The following COL21A1 variants were observed in gnomAD, a reference collection of about 807,000 sequenced individuals.
COL21A1 encodes the protein collagen type XXI alpha 1 chain.
Under a neutral mutation model 137.9 loss-of-function variants are expected in COL21A1, and 149 were observed. The observed-to-expected ratio is 1.08, with a 90% CI of 0.95 to 1.24. COL21A1 has a LOEUF of 1.24. COL21A1 is among the 50% of genes most tolerant of loss of function. The probability of loss-of-function intolerance (pLI) is 0.00; values close to 1 mark genes in which losing one functional copy is unlikely to be tolerated. For missense variants in COL21A1, 1,167 were observed against 1,158.4 expected (o/e 1.01, Z -0.11); for synonymous variants, 456 against 391.5 (o/e 1.16, Z -1.95).
intron 1 of COL21A1, among the ~76,000 whole-genome samples, chr6:56,377,653 T>C (rs992682778): frequency 2.6e-5 from 4 of 152,068 alleles, no homozygotes; most frequent in African/African-American, 7.2e-5. Context: ...CAGTCCAGGC[T>C]GAAACTCCTA....
intron 10 of COL21A1, among the ~76,000 whole-genome samples, chr6:56,150,565 C>CACACAA (rs1402170446): frequency 0.03 from 3,430 of 112,590 alleles, 118 homozygotes; most frequent in African/African-American, 0.054. Context: ...CACACACACA[C>CACACAA]AAGAGTGGGG....
chr6:56,142,186 G>A (rs945521323), intron 10 of COL21A1, among the ~76,000 whole-genome samples: 1 of 151,622 alleles, frequency 6.6e-6, no homozygotes, highest in African/African-American at 2.4e-5. Context: ...AAGTATATAG[G>A]GCCCTAAATA....
At position 56,064,587 on chromosome 6, in the gene COL21A1, T is replaced by C; in HGVS notation, c.2163A>G (p.Pro721=). The change falls in exon 24 of 30, where the codon CCA becomes CCG. Residue 721 remains proline (P), a synonymous_variant. Transcript: ENST00000244728. ...QKGENGRQGI[P]GQQGIQGHHG... is the part of the protein sequence containing the mutation. Reference sequence around the variant, plus strand: ...GAAAACCAAAAAATACCTGTTGCCCTGGAATTCCCTGTCTTCCATTTTCTC... The same window carrying C: ...GAAAACCAAAAAATACCTGTTGCCCCGGAATTCCCTGTCTTCCATTTTCTC... 6.3e-7 allele frequency: 1 copy of C among 1,595,244 alleles called. No homozygotes were observed. Among genetic ancestry groups the C allele is most frequent in the Non-Finnish European group, 8.6e-7 (1 of 1,169,526 alleles).
At chr6:56,228,414 C>A (rs530289330) in intron 1 of COL21A1, among the ~76,000 whole-genome samples, 1 of 151,818 alleles carries the variant, frequency 6.6e-6, no homozygotes, top group African/African-American at 2.4e-5. Context: ...AAGAGAATGA[C>A]CCCAGCCTCT....
intron 16 of COL21A1, among the ~76,000 whole-genome samples, chr6:56,113,047 G>A (rs1306654973): frequency 2.6e-5 from 4 of 152,176 alleles, no homozygotes; most frequent in African/African-American, 7.2e-5. Context: ...GTCTGAACTT[G>A]AGTGCCTGTA....
intron 17 of COL21A1, among the ~76,000 whole-genome samples, chr6:56,083,050 C>A (rs1333893443): frequency 6.7e-6 from 1 of 150,310 alleles, no homozygotes; most frequent in East Asian, 1.9e-4. Flanking sequence ...GATTCATAAC[C>A]AATGACCACA....
intron 1 of COL21A1, among the ~76,000 whole-genome samples, chr6:56,369,816 G>C (rs1291264792): frequency 6.6e-6 from 1 of 152,090 alleles, no homozygotes; most frequent in African/African-American, 2.4e-5. Flanking sequence ...AATTAAAACA[G>C]CCACAGTAAA....
chr6:56,210,633 A>C (rs747353296), intron 1 of COL21A1, among the ~76,000 whole-genome samples: 2 of 152,186 alleles, frequency 1.3e-5, no homozygotes, highest in Admixed American at 6.5e-5. Context: ...AGAATAAGAC[A>C]TATATTCCTC....
intron 1 of COL21A1, among the ~76,000 whole-genome samples, chr6:56,340,016 A>G (rs928692395): frequency 1.3e-5 from 2 of 151,918 alleles, no homozygotes; most frequent in Non-Finnish European, 2.9e-5. Context: ...TCAGGATTGG[A>G]GAGGCTCAAT....
intron 1 of COL21A1, among the ~76,000 whole-genome samples, chr6:56,315,094 T>C (rs1036994334): frequency 1.3e-5 from 2 of 152,228 alleles, no homozygotes; most frequent in African/African-American, 4.8e-5. Context: ...ACAAGGTAAA[T>C]ACATGAATGT....
rs571572685 is a variant in COL21A1, at chr6:56,181,393, TTTTTTG to T, written c.88+1132_88+1137del. ...AGGGTTATGCTTTTATTGTTTTTTGTTTTTTGTTTTTTTTTTGCAGGGAGACGAAAG... is the reference window on the plus strand; with the variant it reads ...AGGGTTATGCTTTTATTGTTTTTTGTTTTTTTTTTTGCAGGGAGACGAAAG... On this transcript the variant is annotated intron_variant, in intron 2 of 29. Coordinates refer to ENST00000244728, the MANE Select transcript of COL21A1 (RefSeq NM_030820.4). Among the ~76,000 whole-genome samples the T allele has an allele frequency of 4.7e-3, 705 of 148,958 alleles. 5 individuals carry two copies. The highest frequency in any genetic ancestry group is 0.016 in the African/African-American group (650 of 39,554).
At chr6:56,227,097 T>G (rs1037112608) in intron 1 of COL21A1, among the ~76,000 whole-genome samples, 4 of 151,992 alleles carry the variant, frequency 2.6e-5, no homozygotes, top group Non-Finnish European at 5.9e-5. Flanking sequence ...AACTCTGCAA[T>G]GCTGGTTTTG....
At chr6:56,159,334 A>ATT (rs11412656) in intron 9 of COL21A1, among the ~76,000 whole-genome samples, 3,878 of 137,126 alleles carry the variant, frequency 0.028, 164 homozygotes, top group African/African-American at 0.084. Context: ...TCTGAATTAC[A>ATT]TTTTTTTTTT....
intron 1 of COL21A1, among the ~76,000 whole-genome samples, chr6:56,212,699 G>A (rs554335995): frequency 5.2e-4 from 79 of 151,982 alleles, no homozygotes; most frequent in Non-Finnish European, 8.8e-4. Context: ...AATAGGTAAC[G>A]AATTGATACA....
chr6:56,269,057 T>C (rs1282295962), intron 1 of COL21A1, among the ~76,000 whole-genome samples: 1 of 152,078 alleles, frequency 6.6e-6, no homozygotes, highest in Non-Finnish European at 1.5e-5. Context: ...TCAACTCACA[T>C]AAAAATAAAT....
Position 56,057,535 on chromosome 6 carries a change from AAAAAT to A in COL21A1, c.*117_*121del. 1.1e-6 allele frequency: 1 copy of A among 918,182 alleles called. No individual in the cohort carries two copies. The highest frequency in any genetic ancestry group is 2.7e-5 in the East Asian group (1 of 37,388). 56.9% of individuals were successfully genotyped at this position (918,182 alleles called of 1,614,324 possible). The stretch of plus-strand genomic sequence containing the variant: ...TTTATATTTTTTTCCATAAGAAAAA[AAAAAT>A]AAAAACACCGAGGTACTTAAGTTTC... On this transcript the variant is annotated 3_prime_UTR_variant, in exon 30 of 30. Transcript: ENST00000244728.
At chr6:56,274,052 T>C (rs1009536153) in intron 1 of COL21A1, among the ~76,000 whole-genome samples, 1 of 152,136 alleles carries the variant, frequency 6.6e-6, no homozygotes, top group East Asian at 1.9e-4. Flanking sequence ...TAGGCTTTAT[T>C]CTTGGGATGC....
intron 1 of COL21A1, among the ~76,000 whole-genome samples, chr6:56,268,039 T>A (rs6940268): frequency 1.3e-5 from 2 of 152,086 alleles, no homozygotes; most frequent in African/African-American, 4.8e-5. Flanking sequence ...CCCAAGGGTC[T>A]GGAAGATGGA....
chr6:56,308,098 G>A (rs1003506680), intron 1 of COL21A1, among the ~76,000 whole-genome samples: 10 of 152,172 alleles, frequency 6.6e-5, no homozygotes, highest in Admixed American at 1.3e-4. Flanking sequence ...TCCTTATTGC[G>A]GTGGTATCAA....
Sources: allele counts gnomAD v4.1 joint callset (sites outside exome capture counted in the v4.1 genomes callset), GRCh38; gene constraint gnomAD v4.1.1; transcripts MANE v1.5; gene names NCBI Gene and HGNC (gene_info 2026-07-23, HGNC 2026-07-21).